The following EME2 variants were observed in gnomAD, a reference collection of about 807,000 sequenced individuals.
EME2 encodes essential meiotic structure-specific endonuclease subunit 2.
In EME2, 58 loss-of-function variants were observed where a neutral mutation model predicts 41.9. The observed-to-expected ratio is 1.38, with a 90% CI of 1.12 to 1.72. The LOEUF is 1.72. Ranked by LOEUF, EME2 falls within the 40% of genes most tolerant of loss-of-function variation. The probability of loss-of-function intolerance (pLI) is 0.00; values close to 1 mark genes in which losing one functional copy is unlikely to be tolerated. For synonymous variants in EME2, 334 were observed against 239.3 expected, an observed-to-expected ratio of 1.40 and a Z score of -3.65; for missense variants, 695 against 541.9, an observed-to-expected ratio of 1.28 and a Z score of -2.81.
chr16:1,781,218 G>A lies in EME2; in HGVS notation c.*4980G>A, dbSNP rs1377606432. The A allele has an allele frequency of 2.0e-5, 31 of 1,576,810 alleles. No homozygotes were observed. The highest frequency in any genetic ancestry group is 1.7e-4 in the Middle Eastern group (1 of 6,058). On this transcript the variant is annotated 3_prime_UTR_variant, in exon 8 of 8. Transcript: ENST00000568449. Reference sequence around the variant, plus strand: ...TGAATGCGGTGCATCCAGGAGACAGGCCCAGGTTTGGACTGGTCCTCTAGC... The same window carrying A: ...TGAATGCGGTGCATCCAGGAGACAGACCCAGGTTTGGACTGGTCCTCTAGC...
rs148205331 is a variant in EME2, at chr16:1,781,445, G to A, written c.*5207G>A. 13,193 of 1,612,766 alleles carry A rather than the reference G, an allele frequency of 8.2e-3. 68 individuals are homozygous for A. The highest frequency in any genetic ancestry group is 0.01 in the Non-Finnish European group (11,876 of 1,179,990). On this transcript the variant is annotated 3_prime_UTR_variant, in exon 8 of 8. Transcript: ENST00000568449. ...CGTCTCGGCGGGCTGCACTCAGGAC[G>A]AAGTGCCAGGCCCTGCTGTTCCGGG...
rs947691777 is a variant in EME2, at chr16:1,773,006, G to A, written c.-222G>A. 1 of 1,457,518 alleles carries A rather than the reference G, an allele frequency of 6.9e-7. No homozygotes were observed. 90.3% of individuals were successfully genotyped at this position (1,457,518 alleles called of 1,614,324 possible). ...CAGAGAACGGCCGCGTCAAGGTCTC[G>A]TAGTCCACCGCGTAGAGCTGGGAGT... On this transcript the variant is annotated 5_prime_UTR_variant, in exon 1 of 8. Transcript: ENST00000568449.
rs2042704108 is a variant in EME2 at position 1,775,866 on chromosome 16, A to C, written c.849A>C (p.Ala283=). Residue 283 remains alanine, a synonymous_variant, in exon 7 of 8, where the codon GCA becomes GCC. Coordinates refer to ENST00000568449, the MANE Select transcript of EME2 (RefSeq NM_001257370.2). Reference sequence around the variant, plus strand: ...GCTGGGCAGCCGGCGAGCCAGTGGCAAGAGACGGCGCAGGGCTGCAGGCGG... The same window carrying C: ...GCTGGGCAGCCGGCGAGCCAGTGGCCAGAGACGGCGCAGGGCTGCAGGCGG... ...AGRWAAGEPV[A]RDGAGLQAAW... is the part of the protein sequence containing the mutation. 1.2e-6 allele frequency: 2 copies of C among 1,612,508 alleles called. No homozygotes were observed. Among genetic ancestry groups the C allele is most frequent in the African/African-American group, 1.3e-5 (1 of 74,924 alleles).
chr16:1,776,727 A>G lies in EME2; in HGVS notation c.*489A>G, dbSNP rs2042718363. 5 of 335,784 alleles carry G rather than the reference A, an allele frequency of 1.5e-5. No homozygotes were observed. The South Asian group carries it at 2.3e-4, about 16-fold the overall frequency. The allele number at this position is 335,784 out of a possible 1,614,324, so 20.8% of individuals were successfully genotyped here. ...TCACGCCATGTGGGTGTTAGACATC[A>G]ACTCTACATTTATTGCAGTCCTTTA... On this transcript the variant is annotated 3_prime_UTR_variant, in exon 8 of 8. Coordinates refer to ENST00000568449, the MANE Select transcript of EME2 (RefSeq NM_001257370.2).
rs951464717 is a variant in EME2, at chr16:1,780,935, G to A, written c.*4697G>A. The A allele has an allele frequency of 8.8e-6, 3 of 341,178 alleles. No individual in the cohort carries two copies. Among genetic ancestry groups the A allele is most frequent in the African/African-American group, 6.5e-5 (3 of 46,502 alleles). The allele number at this position is 341,178 out of a possible 1,614,324, so 21.1% of individuals were successfully genotyped here. On this transcript the variant is annotated 3_prime_UTR_variant, in exon 8 of 8. Coordinates refer to ENST00000568449, the MANE Select transcript of EME2 (RefSeq NM_001257370.2). The stretch of plus-strand genomic sequence containing the variant: ...TTTTGTAGAGACAGTGTTTCACCAT[G>A]TTGCCCAGGCAGGTCTCAAACTCCT...
Position 1,773,207 on chromosome 16 carries a change from G to A in EME2, c.-21G>A, listed in dbSNP as rs2042651375. 2.1e-6 allele frequency: 3 copies of A among 1,441,516 alleles called. No homozygotes were observed. Among genetic ancestry groups the A allele is most frequent in the Non-Finnish European group, 2.7e-6 (3 of 1,106,502 alleles). 89.3% of individuals were successfully genotyped at this position (1,441,516 alleles called of 1,614,324 possible). ...AAAGTGTTCGGTCGCGGCCGGAAGC[G>A]AGGAAGAGGTCGGTCCGGCCATGGC... is the stretch of plus-strand genomic sequence containing the variant. On this transcript the variant is annotated 5_prime_UTR_variant, in exon 1 of 8. Transcript: ENST00000568449.
rs1193327467 is a variant in EME2, at chr16:1,777,521, TAC to T, written c.*1285_*1286del. On this transcript the variant is annotated 3_prime_UTR_variant, in exon 8 of 8. Coordinates refer to ENST00000568449, the MANE Select transcript of EME2 (RefSeq NM_001257370.2). Reference sequence around the variant, plus strand: ...GGGCGCAGCCCCTCAGACCTCACGCTACAGTCACCCGGGTGGGCAGCTGGCAC... The same window carrying T: ...GGGCGCAGCCCCTCAGACCTCACGCTAGTCACCCGGGTGGGCAGCTGGCAC... 2.6e-5 allele frequency: 36 copies of T among 1,405,670 alleles called. No homozygotes were observed. The highest frequency in any genetic ancestry group is 3.3e-5 in the Non-Finnish European group (35 of 1,067,752). 87.1% of individuals were successfully genotyped at this position (1,405,670 alleles called of 1,614,324 possible). A position where few individuals can be genotyped will look rare whatever the true frequency, so the allele number is the denominator to read the frequency against.
chr16:1,778,013 G>A lies in EME2; in HGVS notation c.*1775G>A. On this transcript the variant is annotated 3_prime_UTR_variant, in exon 8 of 8. Transcript: ENST00000568449. ...GGCTGCAGAACGTGTGGCGGTATTT[G>A]TCCAGGTCCACATCCGACGTCCCGA... 1 of 1,613,226 alleles carries A rather than the reference G, an allele frequency of 6.2e-7. No homozygotes were observed. The highest frequency in any genetic ancestry group is 8.5e-7 in the Non-Finnish European group (1 of 1,179,994).
chr16:1,775,557 C>A lies in EME2; in HGVS notation c.664-12C>A, dbSNP rs779300297. 7.4e-6 allele frequency: 12 copies of A among 1,611,948 alleles called. No individual in the cohort carries two copies. In the East Asian group the frequency reaches 2.5e-4, roughly 33 times the overall value. On this transcript the variant is annotated splice_polypyrimidine_tract_variant and intron_variant, in intron 5 of 7. Coordinates refer to ENST00000568449, the MANE Select transcript of EME2 (RefSeq NM_001257370.2). The stretch of plus-strand genomic sequence containing the variant: ...CCTCTGGCTCGTGCCCATCAGCTTG[C>A]CTCCTCCCCAGGCCCTGGTACTCCT...
In EME2 at chr16:1,773,696, C is replaced by G. The variant is rs1567226672; in HGVS notation, c.248-9C>G. On this transcript the variant is annotated splice_polypyrimidine_tract_variant and intron_variant, in intron 1 of 7. Coordinates refer to ENST00000568449, the MANE Select transcript of EME2 (RefSeq NM_001257370.2). ...AAGCAGTGACCGCGCTCCTCTCCCC[C>G]GGTCCCAGCCATCCTGGAAGACGCC... is the stretch of plus-strand genomic sequence containing the variant. 2.6e-6 allele frequency: 4 copies of G among 1,548,242 alleles called. No individual in the cohort carries two copies. Among genetic ancestry groups the G allele is most frequent in the East Asian group, 2.4e-5 (1 of 40,994 alleles).
chr16:1,775,781 T>C lies in EME2; in HGVS notation c.780-16T>C, dbSNP rs2042702268. 1 of 1,612,186 alleles carries C rather than the reference T, an allele frequency of 6.2e-7. No individual in the cohort carries two copies. Among genetic ancestry groups the C allele is most frequent in the Non-Finnish European group, 8.5e-7 (1 of 1,179,454 alleles). ...CTGCTCACATGAGGTTCTAAAAGGCTTCTCTCTGTCCCCAGGCAGTACCGG... is the reference window on the plus strand; with the variant it reads ...CTGCTCACATGAGGTTCTAAAAGGCCTCTCTCTGTCCCCAGGCAGTACCGG... On this transcript the variant is annotated splice_polypyrimidine_tract_variant and intron_variant, in intron 6 of 7. Transcript: ENST00000568449.
At position 1,773,245 on chromosome 16, in the gene EME2, C is replaced by T. The variant is rs1357058805; in HGVS notation, c.18C>T (p.Pro6=). 8 of 1,446,978 alleles carry T rather than the reference C, an allele frequency of 5.5e-6. No homozygotes were observed. The African/African-American group carries it at 8.9e-5, about 16-fold the overall frequency. The allele number at this position is 1,446,978 out of a possible 1,614,324, so 89.6% of individuals were successfully genotyped here. A position where few individuals can be genotyped will look rare whatever the true frequency, so the allele number is the denominator to read the frequency against. The change falls in exon 1 of 8, where the codon CCC becomes CCT. Residue 6 remains proline (P), a synonymous_variant. Coordinates refer to ENST00000568449, the MANE Select transcript of EME2 (RefSeq NM_001257370.2). MARVG[P]GRAGVSCQGR... is the part of the protein sequence containing the mutation. ...GTCCGGCCATGGCGCGGGTTGGACC[C>T]GGGAGGGCGGGGGTCTCTTGCCAGG...
chr16:1,775,096 C>G lies in EME2; in HGVS notation c.533C>G (p.Pro178Arg). 3 of 1,611,702 alleles carry G rather than the reference C, an allele frequency of 1.9e-6. No homozygotes were observed. The highest frequency in any genetic ancestry group is 2.5e-6 in the Non-Finnish European group (3 of 1,179,986). ...PWISPETTAR[P>R]HLAVIGLDAY... Reference sequence around the variant, plus strand: ...ATCTCCCCCGAGACCACCGCCCGGCCCCACCTGGCTGTCATCGGGCTGGAT... The same window carrying G: ...ATCTCCCCCGAGACCACCGCCCGGCGCCACCTGGCTGTCATCGGGCTGGAT... Residue 178 changes from proline to arginine, a missense_variant, in exon 4 of 8, where the codon CCC becomes CGC. Physicochemically the swap from Pro to Arg is moderately radical, Grantham distance 103 (BLOSUM62 -2). Coordinates refer to ENST00000568449, the MANE Select transcript of EME2 (RefSeq NM_001257370.2).
chr16:1,776,264 A>G lies in EME2; in HGVS notation c.*26A>G, dbSNP rs748305196. On this transcript the variant is annotated 3_prime_UTR_variant, in exon 8 of 8. Transcript: ENST00000568449. ...CCACACGTGGGACCACCAGGACAGC[A>G]TGCAGCCTTGGGGACAGACCAGACA... is the stretch of plus-strand genomic sequence containing the variant. 6.2e-7 allele frequency: 1 copy of G among 1,610,270 alleles called. No homozygotes were observed. Among genetic ancestry groups the G allele is most frequent in the Non-Finnish European group, 8.5e-7 (1 of 1,178,544 alleles).
chr16:1,776,422 G>T lies in EME2; in HGVS notation c.*184G>T. The T allele has an allele frequency of 3.4e-6, 2 of 590,706 alleles. No homozygotes were observed. The highest frequency in any genetic ancestry group is 2.9e-5 in the East Asian group (1 of 34,054). The allele number at this position is 590,706 out of a possible 1,614,324, so 36.6% of individuals were successfully genotyped here. ...AAGTTTTAGGTAGCTGGGAGAAGAG[G>T]GGCTTCTGGCTGGCAGATGGCTGGC... On this transcript the variant is annotated 3_prime_UTR_variant, in exon 8 of 8. Coordinates refer to ENST00000568449, the MANE Select transcript of EME2 (RefSeq NM_001257370.2).
rs955014028 is a variant in EME2 at position 1,777,959 on chromosome 16, G to A, written c.*1721G>A. The stretch of plus-strand genomic sequence containing the variant: ...GGCCTCACGCACCCGTGTAGGAGAG[G>A]CCCCAGCTGTCCTCATCCCTGCCCA... On this transcript the variant is annotated 3_prime_UTR_variant, in exon 8 of 8. Coordinates refer to ENST00000568449, the MANE Select transcript of EME2 (RefSeq NM_001257370.2). 2.8e-5 allele frequency: 45 copies of A among 1,612,724 alleles called. No individual in the cohort carries two copies. In the East Asian group the frequency reaches 9.1e-4, roughly 33 times the overall value.
At position 1,780,186 on chromosome 16, in the gene EME2, C is replaced by T. The variant is rs954240151; in HGVS notation, c.*3948C>T. 1 of 152,336 alleles carries T rather than the reference C, an allele frequency of 6.6e-6. No homozygotes were observed. The highest frequency in any genetic ancestry group is 1.5e-5 in the Non-Finnish European group (1 of 68,128). The allele number at this position is 152,336 out of a possible 1,614,324, so 9.4% of individuals were successfully genotyped here. On this transcript the variant is annotated 3_prime_UTR_variant, in exon 8 of 8. Transcript: ENST00000568449. ...GCAGCATGCGTGTGTCAGACACTGG[C>T]CTGGCCTGTGGACACGCCCGCGTCC...
rs185130948 is a variant in EME2 at position 1,781,518 on chromosome 16, G to A, written c.*5280G>A. 6.2e-7 allele frequency: 1 copy of A among 1,604,906 alleles called. No individual in the cohort carries two copies. Among genetic ancestry groups the A allele is most frequent in the Admixed American group, 1.7e-5 (1 of 59,544 alleles). On this transcript the variant is annotated 3_prime_UTR_variant, in exon 8 of 8. Transcript: ENST00000568449. The stretch of plus-strand genomic sequence containing the variant: ...AATCTAGAAGAAAACACAGGCTCTG[G>A]GCAAAGGAAGACTCACAGCACTCCC...
Position 1,775,828 on chromosome 16 carries a change from T to C in EME2, c.811T>C (p.Cys271Arg). The C allele has an allele frequency of 2.5e-6, 4 of 1,612,500 alleles. No homozygotes were observed. The highest frequency in any genetic ancestry group is 1.7e-6 in the Non-Finnish European group (2 of 1,179,846). Residue 271 changes from cysteine to arginine, a missense_variant, in exon 7 of 8, where the codon TGC becomes CGC. Cys to Arg is a radical substitution (Grantham distance 180). Transcript: ENST00000568449. ...CCGGGAATCCCAGGCCTTCTCCTTC[T>C]GCACAGCAGGGCGCTGGGCAGCCGG... ...QYRESQAFSF[C>R]TAGRWAAGEP...
Sources: gnomAD v4.1 joint callset for allele counts on GRCh38, gnomAD v4.1.1 for gene constraint, MANE v1.5 for transcripts, NCBI Gene and HGNC (gene_info 2026-07-23, HGNC 2026-07-21) for gene names.